The following DCUN1D4 variants were observed in gnomAD, a reference collection of about 807,000 sequenced individuals.
The protein encoded by DCUN1D4 is defective in cullin neddylation 1 domain containing 4.
Under a neutral mutation model 47.9 loss-of-function variants are expected in DCUN1D4, and 22 were observed. The observed-to-expected ratio is 0.46, with a 90% CI of 0.33 to 0.66. The LOEUF is 0.66. Among genes scored for constraint, DCUN1D4 ranks in the 30% least tolerant of loss-of-function variants. The pLI, the probability that DCUN1D4 is intolerant of heterozygous loss-of-function variation, is 0.02. For synonymous variants in DCUN1D4, 121 were observed against 112.2 expected, an observed-to-expected ratio of 1.08 and a Z score of -0.50; for missense variants, 301 against 340.8, an observed-to-expected ratio of 0.88 and a Z score of 0.92.
At chr4:51,906,597 C>T (rs542909013) in intron 8 of DCUN1D4, among the ~76,000 whole-genome samples, 2 of 152,318 alleles carry the variant, frequency 1.3e-5, no homozygotes, top group South Asian at 2.1e-4. Context: ...CACTCTCCCT[C>T]ATACTTCACT....
intron 1 of DCUN1D4, among the ~76,000 whole-genome samples, chr4:51,854,240 T>C (rs1256400105): frequency 6.6e-6 from 1 of 152,252 alleles, no homozygotes; most frequent in Non-Finnish European, 1.5e-5. Flanking sequence ...TGTAAATTGG[T>C]ATTGTAAATC....
chr4:51,835,706 T>A, the DCUN1D4 span, among the ~76,000 whole-genome samples: 2 of 151,658 alleles, frequency 1.3e-5, no homozygotes, highest in African/African-American at 4.8e-5. Context: ...GGGCCTCGGG[T>A]TGAGGGTGAG....
At chr4:51,863,644 C>G (rs192099923) in intron 2 of DCUN1D4, 26 bp from the exon 3 acceptor site, 3 of 1,610,350 alleles carry the variant, frequency 1.9e-6, no homozygotes, top group Non-Finnish European at 2.5e-6. Flanking sequence ...GTGATTTCTT[C>G]GTAATAACGA....
intron 1 of DCUN1D4, among the ~76,000 whole-genome samples, chr4:51,859,814 A>G (rs1353834901): frequency 6.6e-6 from 1 of 152,180 alleles, no homozygotes; most frequent in Non-Finnish European, 1.5e-5. Flanking sequence ...CATGTCACAC[A>G]GGAGAGTCAG....
At chr4:51,834,099 C>CTTTCTTTTTTA in the DCUN1D4 span, among the ~76,000 whole-genome samples, 1 of 40,830 alleles carries the variant, frequency 2.4e-5, no homozygotes, top group African/African-American at 2.6e-4. Flanking sequence ...TTCTTTTCTT[C>CTTTCTTTTTTA]TTTCTTTTTT....
intron 1 of DCUN1D4, among the ~76,000 whole-genome samples, chr4:51,853,373 G>T (rs568442377): frequency 6.8e-4 from 103 of 152,284 alleles, no homozygotes; most frequent in African/African-American, 2.2e-3. Flanking sequence ...ATTTATTGAT[G>T]AGGAGAATGA....
chr4:51,834,344 G>C, the DCUN1D4 span, among the ~76,000 whole-genome samples: 1 of 151,612 alleles, frequency 6.6e-6, no homozygotes. Context: ...CTTCGTATGT[G>C]TGCTGGGGGT....
At chr4:51,863,314 CTT>C (rs1725366245) in intron 1 of DCUN1D4, 121 bp from the exon 2 acceptor site, 1 of 786,142 alleles carries the variant, frequency 1.3e-6, no homozygotes. Context: ...TTTTAAAAAA[CTT>C]TAGTGTCAAA....
chr4:51,855,229 G>A (rs974267280), intron 1 of DCUN1D4, among the ~76,000 whole-genome samples: 19 of 152,178 alleles, frequency 1.2e-4, no homozygotes, highest in African/African-American at 4.6e-4. Flanking sequence ...ATTAGTGGTT[G>A]CCTAGAGCTG....
chr4:51,892,333 T>C (rs1730557630), intron 7 of DCUN1D4, among the ~76,000 whole-genome samples: 1 of 152,230 alleles, frequency 6.6e-6, no homozygotes, highest in Non-Finnish European at 1.5e-5. Context: ...CTGGGGTTTA[T>C]TTTGTGATCC....
chr4:51,898,447 G>A (rs1731598915), intron 7 of DCUN1D4, among the ~76,000 whole-genome samples: 1 of 152,224 alleles, frequency 6.6e-6, no homozygotes, highest in East Asian at 1.9e-4. Flanking sequence ...AGGAAAATAG[G>A]AAGTTTAAGT....
At chr4:51,886,684 A>G (rs759053309) in intron 6 of DCUN1D4, 46 bp downstream of exon 6, 22 of 1,468,186 alleles carry the variant, frequency 1.5e-5, no homozygotes, top group South Asian at 3.5e-5. Flanking sequence ...GTTGTTTTTC[A>G]TACTTAAATC....
intron 6 of DCUN1D4, among the ~76,000 whole-genome samples, chr4:51,889,148 T>C (rs1444350943): frequency 6.6e-6 from 1 of 152,182 alleles, no homozygotes; most frequent in Non-Finnish European, 1.5e-5. Context: ...CAAATATTTA[T>C]ACTGTATGTA....
At position 51,900,029 on chromosome 4, in the gene DCUN1D4, A is replaced by G. The variant is rs113768163; in HGVS notation, c.615+651A>G. Among the ~76,000 whole-genome samples, 665 of 152,336 alleles carry G rather than the reference A, an allele frequency of 4.4e-3. 13 individuals carry two copies. Among genetic ancestry groups the G allele is most frequent in the Middle Eastern group, 0.014 (4 of 294 alleles). On this transcript the variant is annotated intron_variant, in intron 8 of 10. Transcript: ENST00000334635. The stretch of plus-strand genomic sequence containing the variant: ...ATCATACTCAATTCAAACAAAATCT[A>G]TATCCCATACAATTACAATTTATTC...
chr4:51,909,662 G>A (rs757376337), intron 8 of DCUN1D4, among the ~76,000 whole-genome samples: 36 of 152,164 alleles, frequency 2.4e-4, no homozygotes, highest in Non-Finnish European at 4.7e-4. Context: ...CCTGTGGAAA[G>A]GAGGTCCCAC....
At chr4:51,844,257 C>A in intron 1 of DCUN1D4, 1 of 896,718 alleles carries the variant, frequency 1.1e-6, no homozygotes, top group Non-Finnish European at 1.3e-6. Context: ...CTTCCTCTCC[C>A]TGTCGAGGCA....
In DCUN1D4 at chr4:51,899,300, T is replaced by C; in HGVS notation, c.537T>C (p.Thr179=). Residue 179 remains threonine (T), a synonymous_variant, in exon 8 of 11, where the codon ACT becomes ACC. Transcript: ENST00000334635. The part of the protein sequence containing the change: ...QCDTTEKLRN[T]LDYLRSFLND... ...ATACAACAGAAAAACTCAGAAATAC[T>C]TTGGATTACTTAAGATCATTCTTAA... 6.2e-7 allele frequency: 1 copy of C among 1,607,050 alleles called. No homozygotes were observed. Among genetic ancestry groups the C allele is most frequent in the Non-Finnish European group, 8.5e-7 (1 of 1,177,772 alleles).
At chr4:51,908,000 A>T (rs900697852) in intron 8 of DCUN1D4, among the ~76,000 whole-genome samples, 2 of 152,278 alleles carry the variant, frequency 1.3e-5, no homozygotes, top group Admixed American at 6.5e-5. Flanking sequence ...TCTAAATCAG[A>T]TTGTAATAAA....
chr4:51,853,090 G>C (rs1723605729), intron 1 of DCUN1D4, among the ~76,000 whole-genome samples: 1 of 152,192 alleles, frequency 6.6e-6, no homozygotes, highest in African/African-American at 2.4e-5. Flanking sequence ...AGTGCAGCCA[G>C]ACGGGTGTCC....
Sources: gnomAD v4.1 joint callset for allele counts (sites outside exome capture counted in the v4.1 genomes callset) on GRCh38, gnomAD v4.1.1 for gene constraint, MANE v1.5 for transcripts, NCBI Gene and HGNC (gene_info 2026-07-23, HGNC 2026-07-21) for gene names.